The following SLC17A1 variants were observed in gnomAD, a reference collection of about 807,000 sequenced individuals.
The protein encoded by SLC17A1 is sodium-dependent phosphate transport protein 1.
SLC17A1 carries 51 observed loss-of-function variants against 53.5 expected under a neutral mutation model. That is an observed-to-expected ratio of 0.95 (90% CI 0.76 to 1.20). The LOEUF is 1.20. SLC17A1 is among the 50% of genes most tolerant of loss of function. The probability of loss-of-function intolerance (pLI) is 0.00; values close to 1 mark genes in which losing one functional copy is unlikely to be tolerated. For synonymous variants in SLC17A1, 179 were observed against 198.8 expected (o/e 0.90, Z 0.84); for missense variants, 538 against 568.2 (o/e 0.95, Z 0.54).
the SLC17A1 span, chr6:25,726,142 T>C: frequency 6.5e-7 from 1 of 1,535,906 alleles, no homozygotes; most frequent in Non-Finnish European, 8.8e-7. Flanking sequence ...TTACTTGCTT[T>C]GGGCTTTATG....
At chr6:25,792,244 A>AT (rs905767967) in intron 12 of SLC17A1, among the ~76,000 whole-genome samples, 2 of 152,168 alleles carry the variant, frequency 1.3e-5, no homozygotes, top group African/African-American at 4.8e-5. Flanking sequence ...ACCAGAACTC[A>AT]TTTTTGCCAG....
chr6:25,818,597 C>T (rs567108485), intron 6 of SLC17A1, among the ~76,000 whole-genome samples: 11 of 152,006 alleles, frequency 7.2e-5, no homozygotes, highest in Non-Finnish European at 1.6e-4. Context: ...ATCAGAGAGC[C>T]GAAAGTGATT....
chr6:25,788,365 C>T (rs1260218003), intron 12 of SLC17A1, among the ~76,000 whole-genome samples: 3 of 152,164 alleles, frequency 2.0e-5, no homozygotes, highest in African/African-American at 7.2e-5. Context: ...TGGGGGAAAG[C>T]TCTGTGGTGC....
the SLC17A1 span, among the ~76,000 whole-genome samples, chr6:25,745,441 A>T: frequency 1.3e-5 from 2 of 152,182 alleles, no homozygotes; most frequent in Non-Finnish European, 2.9e-5. Context: ...CAAACTATAC[A>T]TTTGAGAGAG....
the SLC17A1 span, among the ~76,000 whole-genome samples, chr6:25,738,566 C>T: frequency 6.6e-6 from 1 of 150,686 alleles, no homozygotes; most frequent in Non-Finnish European, 1.5e-5. Context: ...AGCTTTTGTT[C>T]TGTGAAAGTC....
intron 3 of SLC17A1, 47 bp from the exon 4 acceptor site, chr6:25,819,962 T>C (rs777614950): frequency 7.7e-7 from 1 of 1,299,794 alleles, no homozygotes; most frequent in African/African-American, 1.5e-5. Context: ...ATATCAGAAA[T>C]TTACTGTGAC....
Position 25,812,965 on chromosome 6 carries a change from T to C in SLC17A1, c.763A>G (p.Ile255Val), listed in dbSNP as rs768603898. ...GGAAGCGACTTAAGTATAGCCTTGA[T>C]AGGCAGAGATTGTCTACTTGAACTG... ...QVSSSRQSLPIKAILKSLPVW... is the reference protein window; with the variant it reads ...QVSSSRQSLPVKAILKSLPVW... The change falls in exon 8 of 13, where the codon ATC becomes GTC. Residue 255 changes from isoleucine to valine, a missense_variant. Physicochemically the swap from Ile to Val is conservative, Grantham distance 29. Transcript: ENST00000244527. 2.6e-5 allele frequency: 42 copies of C among 1,613,934 alleles called. No individual in the cohort carries two copies. In the Admixed American group the frequency reaches 6.5e-4, roughly 25 times the overall value.
chr6:25,768,220 C>A, the SLC17A1 span: 1 of 225,908 alleles, frequency 4.4e-6, no homozygotes, highest in Non-Finnish European at 7.4e-6. Flanking sequence ...AAGAGCATTA[C>A]TACACAAAAT....
At chr6:25,784,307 A>C (rs1425597065) in intron 12 of SLC17A1, among the ~76,000 whole-genome samples, 1 of 152,140 alleles carries the variant, frequency 6.6e-6, no homozygotes, top group Non-Finnish European at 1.5e-5. Flanking sequence ...GGAATATCTG[A>C]GTCTGGGTAA....
intron 12 of SLC17A1, among the ~76,000 whole-genome samples, chr6:25,797,845 G>A (rs536212934): frequency 7.2e-5 from 11 of 152,046 alleles, no homozygotes; most frequent in African/African-American, 1.4e-4. Context: ...TGATCCACCC[G>A]CCTCGTCCTC....
chr6:25,756,005 A>G, the SLC17A1 span, among the ~76,000 whole-genome samples: 2 of 152,168 alleles, frequency 1.3e-5, no homozygotes, highest in East Asian at 1.9e-4. Flanking sequence ...TTTCACCACA[A>G]CTAGCCTAGC....
intron 2 of SLC17A1, among the ~76,000 whole-genome samples, chr6:25,829,219 C>T (rs923633134): frequency 5.3e-5 from 8 of 152,040 alleles, no homozygotes; most frequent in East Asian, 1.9e-4. Context: ...AAGGTCCTAG[C>T]GATGCGATAG....
chr6:25,804,064 G>A lies in SLC17A1; in HGVS notation c.1179-3084C>T, dbSNP rs113531866. ...ACAGATGCATACATCTGAATATATC[G>A]TTAATGATTAATATCATTAATGATT... On this transcript the variant is annotated intron_variant, in intron 10 of 12. Transcript: ENST00000244527. 5.2e-3 allele frequency among the ~76,000 whole-genome samples: 790 copies of A among 152,066 alleles called. 5 individuals are homozygous for A. The highest frequency in any genetic ancestry group is 8.9e-3 in the Non-Finnish European group (605 of 67,962).
the SLC17A1 span, among the ~76,000 whole-genome samples, chr6:25,746,505 G>T: frequency 2.0e-5 from 3 of 152,108 alleles, no homozygotes; most frequent in African/African-American, 7.2e-5. Flanking sequence ...TATAAAAATT[G>T]TTGAATGAAT....
chr6:25,731,926 G>A, the SLC17A1 span: 3 of 1,601,620 alleles, frequency 1.9e-6, no homozygotes, highest in Non-Finnish European at 2.6e-6. Flanking sequence ...TGCGCCAGGC[G>A]GGAAGCCTCA....
the SLC17A1 span, among the ~76,000 whole-genome samples, chr6:25,761,364 T>C: frequency 6.6e-6 from 1 of 152,156 alleles, no homozygotes. Flanking sequence ...TCATCCTTCA[T>C]CCCCACAGGC....
intron 10 of SLC17A1, among the ~76,000 whole-genome samples, chr6:25,802,037 C>A (rs1763793964): frequency 6.6e-6 from 1 of 152,120 alleles, no homozygotes; most frequent in Non-Finnish European, 1.5e-5. Context: ...AGCAATAGAA[C>A]CCCTGGAGTT....
intron 2 of SLC17A1, among the ~76,000 whole-genome samples, chr6:25,829,179 A>G (rs1764857925): frequency 6.6e-6 from 1 of 152,070 alleles, no homozygotes; most frequent in Non-Finnish European, 1.5e-5. Context: ...TTGGCCTTCC[A>G]TGATATGGGG....
chr6:25,802,410 T>C (rs374237200), intron 10 of SLC17A1, among the ~76,000 whole-genome samples: 170 of 152,306 alleles, frequency 1.1e-3, no homozygotes, highest in Middle Eastern at 6.8e-3. Context: ...AGATTTGCCC[T>C]AATATTTTTC....
Sources: gnomAD v4.1 joint callset for allele counts (sites outside exome capture counted in the v4.1 genomes callset) on GRCh38, gnomAD v4.1.1 for gene constraint, MANE v1.5 for transcripts, NCBI Gene and HGNC (gene_info 2026-07-23, HGNC 2026-07-21) for gene names.